The following STX3 variants were observed in gnomAD, a reference collection of about 807,000 sequenced individuals.
STX3 encodes syntaxin 3.
STX3 carries 19 observed loss-of-function variants against 40.2 expected under a neutral mutation model. The observed-to-expected ratio is 0.47, with a 90% CI of 0.33 to 0.69. The LOEUF (loss-of-function observed/expected upper bound fraction) is 0.69, where lower values mean the gene tolerates loss of function less well. STX3 is among the 30% of genes least tolerant of loss of function. The pLI, the probability that STX3 is intolerant of heterozygous loss-of-function variation, is 0.02. For synonymous variants in STX3, 122 were observed against 132.2 expected, an observed-to-expected ratio of 0.92 and a Z score of 0.53; for missense variants, 364 against 366.7, an observed-to-expected ratio of 0.99 and a Z score of 0.06.
chr11:59,801,172 C>T lies in STX3; in HGVS notation c.*348C>T. 2 of 1,233,008 alleles carry T rather than the reference C, an allele frequency of 1.6e-6. No homozygotes were observed. The highest frequency in any genetic ancestry group is 2.0e-6 in the Non-Finnish European group (2 of 982,360). 76.4% of individuals were successfully genotyped at this position (1,233,008 alleles called of 1,614,324 possible). A position where few individuals can be genotyped will look rare whatever the true frequency, so the allele number is the denominator to read the frequency against. On this transcript the variant is annotated 3_prime_UTR_variant, in exon 11 of 11. Transcript: ENST00000337979. ...TTGGGAAAGCTCTTGTGAGACTCTC[C>T]CAAGGTGCTGTATTTTTCTACCTCA...
At chr11:59,770,977 A>G (rs1467527628) in intron 1 of STX3, among the ~76,000 whole-genome samples, 3 of 152,140 alleles carry the variant, frequency 2.0e-5, no homozygotes, top group South Asian at 2.1e-4. Flanking sequence ...GCAGCCATCA[A>G]CTGACTCGGG....
rs2134833973 is a variant in STX3, at chr11:59,755,472, G to A, written c.-134G>A. The stretch of plus-strand genomic sequence containing the variant: ...TCCTCCTAGCTAGCGGCCGCCGCCC[G>A]CCGCCGCCTGCGCCTCCAGCTCCTT... On this transcript the variant is annotated 5_prime_UTR_variant, in exon 1 of 11. Coordinates refer to ENST00000337979, the MANE Select transcript of STX3 (RefSeq NM_004177.5). 7 of 1,149,704 alleles carry A rather than the reference G, an allele frequency of 6.1e-6. No individual in the cohort carries two copies. In the Admixed American group the frequency reaches 1.2e-4, roughly 20 times the overall value. 71.2% of individuals were successfully genotyped at this position (1,149,704 alleles called of 1,614,324 possible).
chr11:59,790,453 T>A, intron 4 of STX3, 66 bp from the exon 5 acceptor site: 3 of 1,273,008 alleles, frequency 2.4e-6, no homozygotes, highest in South Asian at 2.4e-5. Flanking sequence ...TGAGGAAGTT[T>A]CACTGAATAG....
intron 10 of STX3, chr11:59,800,212 C>T (rs1865797006): frequency 1.0e-6 from 1 of 985,280 alleles, no homozygotes; most frequent in African/African-American, 1.7e-5. Flanking sequence ...TTGCCTAGGT[C>T]TGGACTCTCC....
intron 1 of STX3, among the ~76,000 whole-genome samples, chr11:59,761,715 A>G (rs1863048231): frequency 1.3e-5 from 2 of 152,158 alleles, no homozygotes. Context: ...CTCCATCTGG[A>G]AACTGAGTGA....
chr11:59,790,410 T>TA, intron 4 of STX3, 109 bp from the exon 5 acceptor site: 3 of 831,140 alleles, frequency 3.6e-6, no homozygotes, highest in Non-Finnish European at 6.1e-6. Context: ...ACCTACCTGT[T>TA]ACATCTCCGT....
chr11:59,764,513 A>G (rs1863190683), intron 1 of STX3, among the ~76,000 whole-genome samples: 2 of 152,222 alleles, frequency 1.3e-5, no homozygotes, highest in African/African-American at 4.8e-5. Context: ...ACAGAGATAC[A>G]TCTGACTGCC....
intron 1 of STX3, among the ~76,000 whole-genome samples, chr11:59,772,560 A>G (rs763702712): frequency 6.6e-6 from 1 of 152,188 alleles, no homozygotes; most frequent in Non-Finnish European, 1.5e-5. Flanking sequence ...GTGAAAATTG[A>G]AAGCTTGTCC....
chr11:59,780,686 T>C (rs1177319107), intron 2 of STX3, among the ~76,000 whole-genome samples: 1 of 152,218 alleles, frequency 6.6e-6, no homozygotes, highest in Non-Finnish European at 1.5e-5. Context: ...GGCTTTAGGC[T>C]CTGGTGACCC....
chr11:59,762,472 G>C (rs1219449509), intron 1 of STX3, among the ~76,000 whole-genome samples: 1 of 152,228 alleles, frequency 6.6e-6, no homozygotes, highest in East Asian at 1.9e-4. Flanking sequence ...CATCTTAGAA[G>C]GATCCTCACT....
At chr11:59,770,158 TGC>T in intron 1 of STX3, among the ~76,000 whole-genome samples, 1 of 148,562 alleles carries the variant, frequency 6.7e-6, no homozygotes, top group African/African-American at 2.5e-5. Flanking sequence ...GTATAGGGTG[TGC>T]GTGTAAGGGG....
chr11:59,770,142 ATG>A (rs1027240892), intron 1 of STX3, among the ~76,000 whole-genome samples: 1 of 144,382 alleles, frequency 6.9e-6, no homozygotes, highest in Non-Finnish European at 1.5e-5. Context: ...CGTGTGCAGC[ATG>A]TGTGTATAGG....
At chr11:59,775,258 A>G (rs1228487371) in intron 2 of STX3, among the ~76,000 whole-genome samples, 1 of 152,222 alleles carries the variant, frequency 6.6e-6, no homozygotes, top group African/African-American at 2.4e-5. Flanking sequence ...CGGGTCCATC[A>G]GAGTCATAGT....
At chr11:59,758,028 C>T (rs745993857) in intron 1 of STX3, among the ~76,000 whole-genome samples, 69 of 152,210 alleles carry the variant, frequency 4.5e-4, no homozygotes, top group Non-Finnish European at 2.1e-4. Context: ...TATGCAATCT[C>T]TTTCTGTGGT....
chr11:59,773,595 A>T (rs1863779893), intron 2 of STX3, among the ~76,000 whole-genome samples: 1 of 152,242 alleles, frequency 6.6e-6, no homozygotes, highest in Non-Finnish European at 1.5e-5. Flanking sequence ...AAAGTACATA[A>T]CAAATACAGA....
chr11:59,764,026 A>AT (rs1420646947), intron 1 of STX3, among the ~76,000 whole-genome samples: 3 of 152,188 alleles, frequency 2.0e-5, no homozygotes, highest in African/African-American at 7.2e-5. Context: ...CTCAAAAAAA[A>AT]AAAAATAAAA....
At chr11:59,760,083 A>T (rs1862952498) in intron 1 of STX3, among the ~76,000 whole-genome samples, 2 of 152,146 alleles carry the variant, frequency 1.3e-5, no homozygotes, top group Admixed American at 1.3e-4. Flanking sequence ...CGGGAACCAG[A>T]GCTGAGAGTG....
chr11:59,763,134 T>A (rs1174873165), intron 1 of STX3, among the ~76,000 whole-genome samples: 1 of 152,210 alleles, frequency 6.6e-6, no homozygotes, highest in East Asian at 1.9e-4. Context: ...GATGAAAGAA[T>A]GAACAAATGA....
chr11:59,800,486 C>G (rs1338326232), intron 10 of STX3: 2 of 985,232 alleles, frequency 2.0e-6, no homozygotes, highest in East Asian at 1.1e-4. Flanking sequence ...GCAGGGAGTT[C>G]ATGAAGATCG....
Sources: allele counts gnomAD v4.1 joint callset (sites outside exome capture counted in the v4.1 genomes callset), GRCh38; gene constraint gnomAD v4.1.1; transcripts MANE v1.5; gene names NCBI Gene and HGNC (gene_info 2026-07-23, HGNC 2026-07-21).